CLN6: variants seen among roughly 807,000 people sequenced by gnomAD.
CLN6 encodes CLN6 transmembrane ER protein, also known as ceroid-lipofuscinosis neuronal protein 6.
Under a neutral mutation model 33.3 loss-of-function variants are expected in CLN6, and 22 were observed. The observed-to-expected ratio is 0.66, with a 90% CI of 0.47 to 0.94. The LOEUF (loss-of-function observed/expected upper bound fraction) is 0.94, where lower values mean the gene tolerates loss of function less well. Among genes scored for constraint, CLN6 ranks in the 40% least tolerant of loss-of-function variants. The probability of loss-of-function intolerance (pLI) is 0.00; values close to 1 mark genes in which losing one functional copy is unlikely to be tolerated. For synonymous variants in CLN6, 201 were observed against 174.6 expected, an observed-to-expected ratio of 1.15 and a Z score of -1.19; for missense variants, 387 against 417.1, an observed-to-expected ratio of 0.93 and a Z score of 0.63.
chr15:68,214,014 T>G lies in CLN6; in HGVS notation c.297+276A>C, dbSNP rs778876817. 9.8e-6 allele frequency: 4 copies of G among 406,992 alleles called. No individual in the cohort carries two copies. In the East Asian group the frequency reaches 2.1e-4, roughly 21 times the overall value. The allele number at this position is 406,992 out of a possible 1,614,324, so 25.2% of individuals were successfully genotyped here. A position where few individuals can be genotyped will look rare whatever the true frequency, so the allele number is the denominator to read the frequency against. On this transcript the variant is annotated intron_variant, in intron 3 of 6. Coordinates refer to ENST00000249806, the MANE Select transcript of CLN6 (RefSeq NM_017882.3). The stretch of plus-strand genomic sequence containing the variant: ...AAGCACAGCCTTGTCTTTAGGTCCT[T>G]CTACCTGAACACCTCTCTGCTTCCC...
At chr15:68,252,102 T>C (rs1892386170) in intron 1 of CLN6, among the ~76,000 whole-genome samples, 1 of 151,248 alleles carries the variant, frequency 6.6e-6, no homozygotes, top group Admixed American at 6.6e-5. Flanking sequence ...GCCTCCCGAG[T>C]AGCTGGGATG....
chr15:68,213,223 A>G (rs2093211072), intron 3 of CLN6: 1 of 150,678 alleles, frequency 6.6e-6, no homozygotes, highest in Non-Finnish European at 1.5e-5. Flanking sequence ...TGCCGGCCCT[A>G]AGTTTTTTGT....
In CLN6 at chr15:68,209,182, C is replaced by T. The variant is rs78071272; in HGVS notation, c.665+455G>A. 2.8e-3 allele frequency among the ~76,000 whole-genome samples: 419 copies of T among 152,306 alleles called. 3 individuals are homozygous for T. Among genetic ancestry groups the T allele is most frequent in the Middle Eastern group, 0.017 (5 of 294 alleles). On this transcript the variant is annotated intron_variant, in intron 6 of 6. Transcript: ENST00000249806. The surrounding 1 kb of genome is among the most constrained non-coding windows in gnomAD (Gnocchi z 4.9). Reference sequence around the variant, plus strand: ...CATGAAACCCCCCAGTCTGGCCTCGCCATAGTGCTTTACATTTGACAAAGC... The same window carrying T: ...CATGAAACCCCCCAGTCTGGCCTCGTCATAGTGCTTTACATTTGACAAAGC...
intron 1 of CLN6, among the ~76,000 whole-genome samples, chr15:68,243,443 A>G (rs187349355): frequency 2.0e-5 from 3 of 152,192 alleles, no homozygotes; most frequent in African/African-American, 7.2e-5. Flanking sequence ...GACTGGATAG[A>G]TATAAAATTT....
In CLN6 at chr15:68,211,440, A is replaced by G. The variant is rs1047544123; in HGVS notation, c.487-122T>C. The G allele has an allele frequency of 8.5e-6, 13 of 1,536,544 alleles. No homozygotes were observed. Among genetic ancestry groups the G allele is most frequent in the Non-Finnish European group, 1.1e-5 (12 of 1,117,342 alleles). ...AGTCCCAGGCCTCCCCCACTGCCTT[A>G]TTCCCTACCCGGGGCCTCGCCTTCT... On this transcript the variant is annotated intron_variant, in intron 4 of 6. Transcript: ENST00000249806. The surrounding 1 kb of genome is among the most constrained non-coding windows in gnomAD (Gnocchi z 5.9).
At position 68,208,376 on chromosome 15, in the gene CLN6, A is replaced by G. The variant is rs959199004; in HGVS notation, c.700T>C (p.Phe234Leu). Reference sequence around the variant, plus strand: ...AGCATGGCGAAGAAGGTGAAGATGAAGAGGATGAAGATCTGGCCCTCGGTG... The same window carrying G: ...AGCATGGCGAAGAAGGTGAAGATGAGGAGGATGAAGATCTGGCCCTCGGTG... ...LVTEGQIFIL[F>L]IFTFFAMLAL... Residue 234 changes from phenylalanine (F) to leucine (L), a missense_variant, in exon 7 of 7, where the codon TTC becomes CTC. Phe to Leu is a conservative substitution (Grantham distance 22). Coordinates refer to ENST00000249806, the MANE Select transcript of CLN6 (RefSeq NM_017882.3). The surrounding 1 kb of genome is among the most constrained non-coding windows in gnomAD (Gnocchi z 5.8). 4.3e-6 allele frequency: 7 copies of G among 1,613,592 alleles called. No homozygotes were observed. Among genetic ancestry groups the G allele is most frequent in the Non-Finnish European group, 5.9e-6 (7 of 1,180,028 alleles).
At chr15:68,235,284 G>C (rs1329042174) in intron 1 of CLN6, among the ~76,000 whole-genome samples, 1 of 152,102 alleles carries the variant, frequency 6.6e-6, no homozygotes, top group African/African-American at 2.4e-5. Context: ...TCTGGGACCT[G>C]CATTCTCCAA....
intron 2 of CLN6, among the ~76,000 whole-genome samples, chr15:68,216,061 T>A (rs963447048): frequency 6.6e-6 from 1 of 152,258 alleles, no homozygotes; most frequent in Non-Finnish European, 1.5e-5. Context: ...GCTTTTCAAA[T>A]GTCTACGTTC....
rs1419349862 is a variant in CLN6 at position 68,227,391 on chromosome 15, G to A, written c.83+2111C>T. ...AAAACTGGCAACAAAGCAGGTGGAC[G>A]TTGGAATGGGTTACCTTAAGAGGTA... On this transcript the variant is annotated intron_variant, in intron 1 of 6. Transcript: ENST00000249806. This position sits in a 1 kb window ranked among gnomAD's most constrained non-coding sequence, Gnocchi z 4.1. Among the ~76,000 whole-genome samples the A allele has an allele frequency of 1.3e-5, 2 of 152,208 alleles. No homozygotes were observed. Among genetic ancestry groups the A allele is most frequent in the African/African-American group, 4.8e-5 (2 of 41,444 alleles).
intron 1 of CLN6, chr15:68,254,560 G>A (rs1485524990): frequency 2.0e-6 from 1 of 502,136 alleles, no homozygotes; most frequent in Non-Finnish European, 3.6e-6. Context: ...TGAAAAAGAG[G>A]TGAGAACGAC....
intron 1 of CLN6, among the ~76,000 whole-genome samples, chr15:68,235,556 C>T (rs914539577): frequency 6.9e-6 from 1 of 144,516 alleles, no homozygotes; most frequent in East Asian, 2.0e-4. Context: ...GGTGACAGAG[C>T]GAGTCTGTGT....
intron 1 of CLN6, chr15:68,248,333 C>T (rs1892346233): frequency 6.6e-6 from 1 of 151,928 alleles, no homozygotes; most frequent in African/African-American, 2.4e-5. Flanking sequence ...AAAATCAAAT[C>T]AAAATAAATC....
rs2093262385 is a variant in CLN6 at position 68,229,491 on chromosome 15, C to T, written c.83+11G>A. ...CGCCTAGCCCGCCCTCTCACCCCGGCGCGCGCCCACCTGGCCTGCAGGAAG... is the reference window on the plus strand; with the variant it reads ...CGCCTAGCCCGCCCTCTCACCCCGGTGCGCGCCCACCTGGCCTGCAGGAAG... On this transcript the variant is annotated intron_variant, in intron 1 of 6. Coordinates refer to ENST00000249806, the MANE Select transcript of CLN6 (RefSeq NM_017882.3). 3 of 1,462,784 alleles carry T rather than the reference C, an allele frequency of 2.1e-6. No individual in the cohort carries two copies. Among genetic ancestry groups the T allele is most frequent in the East Asian group, 6.0e-5 (2 of 33,164 alleles). The allele number at this position is 1,462,784 out of a possible 1,614,324, so 90.6% of individuals were successfully genotyped here.
intron 1 of CLN6, among the ~76,000 whole-genome samples, chr15:68,239,806 C>A (rs1892265582): frequency 6.6e-6 from 1 of 152,124 alleles, no homozygotes; most frequent in Non-Finnish European, 1.5e-5. Context: ...TTTTCAAGGA[C>A]ACTTGGAATA....
chr15:68,212,027 T>C (rs915366972), intron 3 of CLN6, 164 bp from the exon 4 acceptor site: 23 of 673,194 alleles, frequency 3.4e-5, no homozygotes, highest in Non-Finnish European at 5.6e-5. Context: ...CTCCAGATCC[T>C]CCCGTGACCC....
rs1451847486 is a variant in CLN6, at chr15:68,229,718, G to C, written c.-134C>G. The C allele has an allele frequency of 1.7e-6, 1 of 581,688 alleles. No homozygotes were observed. Among genetic ancestry groups the C allele is most frequent in the Non-Finnish European group, 2.6e-6 (1 of 386,508 alleles). The allele number at this position is 581,688 out of a possible 1,614,324, so 36.0% of individuals were successfully genotyped here. A position where few individuals can be genotyped will look rare whatever the true frequency, so the allele number is the denominator to read the frequency against. Reference sequence around the variant, plus strand: ...GGGCCGGCGAGAGCGCGCGGCCCTCGGGAGGAACAGGCGGGGCTGCGGACC... The same window carrying C: ...GGGCCGGCGAGAGCGCGCGGCCCTCCGGAGGAACAGGCGGGGCTGCGGACC... On this transcript the variant is annotated 5_prime_UTR_variant, in exon 1 of 7. Transcript: ENST00000249806.
upstream of CLN6, among the ~76,000 whole-genome samples, chr15:68,234,665 A>C (rs1219336484): frequency 6.6e-6 from 1 of 152,122 alleles, no homozygotes; most frequent in East Asian, 1.9e-4. The surrounding 1 kb of genome is among the most constrained non-coding windows in gnomAD (Gnocchi z 4.1). Context: ...AGAGGCTCCC[A>C]GAGCCCTCCA....
At chr15:68,223,804 G>C (rs557081723) in intron 1 of CLN6, among the ~76,000 whole-genome samples, 2 of 151,820 alleles carry the variant, frequency 1.3e-5, no homozygotes, top group East Asian at 3.9e-4. Flanking sequence ...CCAGCATTTT[G>C]GGAGGCTGAG....
rs1284441983 is a variant in CLN6, at chr15:68,211,537, C to T, written c.486+138G>A. 11 of 1,594,618 alleles carry T rather than the reference C, an allele frequency of 6.9e-6. No homozygotes were observed. The highest frequency in any genetic ancestry group is 8.5e-6 in the Non-Finnish European group (10 of 1,176,204). ...AACACTTGAGCATCCTAGCTTGGGG[C>T]AGGCGACAGTGCCCTCACCTAGCAG... On this transcript the variant is annotated intron_variant, in intron 4 of 6. Coordinates refer to ENST00000249806, the MANE Select transcript of CLN6 (RefSeq NM_017882.3). This position sits in a 1 kb window ranked among gnomAD's most constrained non-coding sequence, Gnocchi z 5.9.
Sources: allele counts gnomAD v4.1 joint callset (sites outside exome capture counted in the v4.1 genomes callset), GRCh38; gene constraint gnomAD v4.1.1; non-coding constraint Gnocchi (gnomAD v3.1); transcripts MANE v1.5; gene names NCBI Gene and HGNC (gene_info 2026-07-23, HGNC 2026-07-21).